Variants in CUX2 observed in about 807,000 individuals in gnomAD.
The protein encoded by CUX2 is cut like homeobox 2.
Under a neutral mutation model 144.8 loss-of-function variants are expected in CUX2, and 40 were observed. That is an observed-to-expected ratio of 0.28 (90% CI 0.21 to 0.36). The LOEUF is 0.36. Among genes scored for constraint, CUX2 ranks in the 10% least tolerant of loss-of-function variants. The probability of loss-of-function intolerance (pLI) is 1.00; values close to 1 mark genes in which losing one functional copy is unlikely to be tolerated. For synonymous variants in CUX2, 827 were observed against 875.6 expected (o/e 0.94, Z 0.98); for missense variants, 1,615 against 1,994.0 (o/e 0.81, Z 3.62).
chr12:111,202,783 G>A (rs145770495), intron 1 of CUX2, among the ~76,000 whole-genome samples: 131 of 152,190 alleles, frequency 8.6e-4, no homozygotes, highest in African/African-American at 2.9e-3. Context: ...AGCAGAGGGC[G>A]GCTGAGGTAG....
At chr12:111,221,117 G>T (rs908323228) in intron 3 of CUX2, among the ~76,000 whole-genome samples, 1 of 152,154 alleles carries the variant, frequency 6.6e-6, no homozygotes, top group African/African-American at 2.4e-5. Flanking sequence ...ATATTGAATA[G>T]ATGCTGCTTT....
chr12:111,320,318 G>A lies in CUX2; in HGVS notation c.2309G>A (p.Ser770Asn). 3 of 1,598,106 alleles carry A rather than the reference G, an allele frequency of 1.9e-6. No homozygotes were observed. Among genetic ancestry groups the A allele is most frequent in the Non-Finnish European group, 2.5e-6 (3 of 1,179,158 alleles). The stretch of plus-strand genomic sequence containing the variant: ...CTGTCCCCCGCCGCCTTCGTGCAGA[G>A]CATCATCCGCAAGGTCAAGTCCGAG... ...PVLSPAAFVQ[S>N]IIRKVKSEIG... Residue 770 changes from serine (S) to asparagine (N), a missense_variant, in exon 17 of 22, where the codon AGC becomes AAC. By Grantham distance (46) the Ser-to-Asn change is conservative. This residue lies in a region of CUX2 where 390 missense variants were observed against 387.1 expected (regional missense o/e 1.01). Transcript: ENST00000261726. This position sits in a 1 kb window ranked among gnomAD's most constrained non-coding sequence, Gnocchi z 8.1.
At chr12:111,069,057 G>T (rs1412705492) in intron 1 of CUX2, among the ~76,000 whole-genome samples, 1 of 151,998 alleles carries the variant, frequency 6.6e-6, no homozygotes, top group African/African-American at 2.4e-5. Flanking sequence ...AGTGTCCGTA[G>T]ATCGCACCTC....
rs1174536011 is a variant in CUX2, at chr12:111,160,853, C to T, written c.64-53347C>T. Among the ~76,000 whole-genome samples, 4 of 152,108 alleles carry T rather than the reference C, an allele frequency of 2.6e-5. No homozygotes were observed. Among genetic ancestry groups the T allele is most frequent in the Non-Finnish European group, 5.9e-5 (4 of 68,018 alleles). On this transcript the variant is annotated intron_variant, in intron 1 of 21. Coordinates refer to ENST00000261726, the MANE Select transcript of CUX2 (RefSeq NM_015267.4). The surrounding 1 kb of genome is among the most constrained non-coding windows in gnomAD (Gnocchi z 4.1). ...AATGAATGAAGATGACTCCCGGGCT[C>T]CTGGCCTGAACAGCTGGGTGGACTC...
At position 111,318,238 on chromosome 12, in the gene CUX2, C is replaced by CTTTT. The variant is rs955839240; in HGVS notation, c.2003-1771_2003-1768dup. Among the ~76,000 whole-genome samples, 14 of 109,656 alleles carry CTTTT rather than the reference C, an allele frequency of 1.3e-4. 1 individual carries two copies. Among genetic ancestry groups the CTTTT allele is most frequent in the East Asian group, 1.2e-3 (2 of 1,618 alleles). 71.9% of individuals were successfully genotyped at this position (109,656 alleles called of 152,430 possible). A position where few individuals can be genotyped will look rare whatever the true frequency, so the allele number is the denominator to read the frequency against. ...CACCATGCCTGGCTAATTTTTTTTT[C>CTTTT]TTTTTTCTTTTTTTTTTTTTTTTCA... On this transcript the variant is annotated intron_variant, in intron 16 of 21. Transcript: ENST00000261726.
chr12:111,248,947 G>A (rs1883415516), intron 3 of CUX2, among the ~76,000 whole-genome samples: 1 of 152,244 alleles, frequency 6.6e-6, no homozygotes, highest in East Asian at 1.9e-4. Context: ...AATCTTAAGT[G>A]TATAACTTGA....
At chr12:111,151,186 T>A (rs946644480) in intron 1 of CUX2, among the ~76,000 whole-genome samples, 7 of 152,240 alleles carry the variant, frequency 4.6e-5, no homozygotes, top group Non-Finnish European at 1.0e-4. Context: ...GCAGAGCTAA[T>A]AATAATTCAG....
At chr12:111,123,778 C>G (rs1435804820) in intron 1 of CUX2, among the ~76,000 whole-genome samples, 1 of 152,054 alleles carries the variant, frequency 6.6e-6, no homozygotes, top group Non-Finnish European at 1.5e-5. Flanking sequence ...TCAAGCAATC[C>G]CCCTGCCTCG....
At position 111,243,528 on chromosome 12, in the gene CUX2, G is replaced by C. The variant is rs796753921; in HGVS notation, c.223-20233G>C. ...TTTTTTTTTTTTTTTTTTTGAGACA[G>C]GGTCTCGCTCTGTTGCCCAGGCTGG... is the stretch of plus-strand genomic sequence containing the variant. On this transcript the variant is annotated intron_variant, in intron 3 of 21. Transcript: ENST00000261726. Among the ~76,000 whole-genome samples the C allele has an allele frequency of 5.6e-3, 656 of 117,352 alleles. 7 individuals are homozygous for C. Among genetic ancestry groups the C allele is most frequent in the African/African-American group, 0.023 (631 of 26,880 alleles). 77.0% of individuals were successfully genotyped at this position (117,352 alleles called of 152,430 possible).
intron 4 of CUX2, among the ~76,000 whole-genome samples, chr12:111,278,790 C>T (rs1004126237): frequency 6.6e-6 from 1 of 152,172 alleles, no homozygotes; most frequent in Non-Finnish European, 1.5e-5. Context: ...CAGCCAGTGA[C>T]ATTTAGCTGA....
chr12:111,079,154 A>C (rs1871715384), intron 1 of CUX2, among the ~76,000 whole-genome samples: 1 of 152,188 alleles, frequency 6.6e-6, no homozygotes, highest in Non-Finnish European at 1.5e-5. Context: ...GCCTCAGACA[A>C]ATTGTCATTC....
chr12:111,284,094 G>A (rs1020767494), intron 4 of CUX2, among the ~76,000 whole-genome samples: 20 of 151,738 alleles, frequency 1.3e-4, no homozygotes, highest in Non-Finnish European at 2.4e-4. Context: ...AATCCCTTGC[G>A]TATCTCTTGC....
chr12:111,302,494 A>C (rs2136353789), intron 9 of CUX2, among the ~76,000 whole-genome samples: 1 of 152,366 alleles, frequency 6.6e-6, no homozygotes, highest in Non-Finnish European at 1.5e-5. Flanking sequence ...CTAAGATCGC[A>C]TAACCGGAAA....
At chr12:111,114,107 G>A (rs1437861762) in intron 1 of CUX2, among the ~76,000 whole-genome samples, 1 of 152,192 alleles carries the variant, frequency 6.6e-6, no homozygotes, top group Non-Finnish European at 1.5e-5. Context: ...ATACCTAGGA[G>A]TGGGATTGCT....
intron 1 of CUX2, among the ~76,000 whole-genome samples, chr12:111,138,984 C>T (rs1489995837): frequency 6.6e-6 from 1 of 151,680 alleles, no homozygotes; most frequent in Non-Finnish European, 1.5e-5. Context: ...AGGGCATATC[C>T]CCGTCCCCCA....
intron 1 of CUX2, among the ~76,000 whole-genome samples, chr12:111,088,261 C>G (rs1182294831): frequency 6.6e-6 from 1 of 151,958 alleles, no homozygotes; most frequent in Admixed American, 6.6e-5. Context: ...AAATGTGACC[C>G]TTGGGGGAAA....
intron 3 of CUX2, among the ~76,000 whole-genome samples, chr12:111,248,160 C>T (rs1883372488): frequency 6.6e-6 from 1 of 152,202 alleles, no homozygotes; most frequent in Admixed American, 6.5e-5. Context: ...CTTGGCCTCC[C>T]AGAGTGCCGG....
intron 1 of CUX2, among the ~76,000 whole-genome samples, chr12:111,151,611 C>T (rs1029310387): frequency 6.6e-6 from 1 of 152,134 alleles, no homozygotes; most frequent in Non-Finnish European, 1.5e-5. Flanking sequence ...CAGAGGAAGA[C>T]GACTGACGCT....
chr12:111,082,111 C>T (rs920931917), intron 1 of CUX2, among the ~76,000 whole-genome samples: 2 of 152,128 alleles, frequency 1.3e-5, no homozygotes, highest in East Asian at 3.8e-4. Flanking sequence ...ATCATTTTGC[C>T]GTTTTAAATC....
Sources: allele counts gnomAD v4.1 joint callset (sites outside exome capture counted in the v4.1 genomes callset), GRCh38; gene constraint gnomAD v4.1.1; regional missense constraint gnomAD v4.1.1; non-coding constraint Gnocchi (gnomAD v3.1); transcripts MANE v1.5; gene names NCBI Gene and HGNC (gene_info 2026-07-23, HGNC 2026-07-21).